Variants in IQCK observed in about 807,000 individuals in gnomAD.
IQCK encodes the protein IQ domain-containing protein K.
In IQCK, 29 loss-of-function variants were observed where a neutral mutation model predicts 28.1. The ratio of observed to expected loss-of-function variants is 1.03; its 90% CI spans 0.77 to 1.41. The LOEUF (loss-of-function observed/expected upper bound fraction) is 1.41. Among genes scored for constraint, IQCK ranks in the 40% most tolerant of loss-of-function variants. The pLI, the probability that IQCK is intolerant of heterozygous loss-of-function variation, is 0.00. For synonymous variants in IQCK, 113 were observed against 115.1 expected, an observed-to-expected ratio of 0.98 and a Z score of 0.12; for missense variants, 359 against 314.7, an observed-to-expected ratio of 1.14 and a Z score of -1.07.
At chr16:19,720,152 T>A (rs1977447600) in intron 1 of IQCK, among the ~76,000 whole-genome samples, 1 of 152,214 alleles carries the variant, frequency 6.6e-6, no homozygotes, top group South Asian at 2.1e-4. Context: ...AGTTGATAGA[T>A]GCCCTCCAAA....
intron 9 of IQCK, among the ~76,000 whole-genome samples, chr16:19,839,837 A>T (rs1422411625): frequency 6.6e-6 from 1 of 151,938 alleles, no homozygotes; most frequent in Non-Finnish European, 1.5e-5. Flanking sequence ...CTAAAAAAAT[A>T]AAAAATAAAT....
intron 1 of IQCK, among the ~76,000 whole-genome samples, chr16:19,719,415 G>T (rs1977401596): frequency 6.6e-6 from 1 of 151,576 alleles, no homozygotes; most frequent in Non-Finnish European, 1.5e-5. Flanking sequence ...GTGAAACCCC[G>T]TCTCTACTGA....
rs550552586 is a variant in IQCK, at chr16:19,852,916, G to A, written c.803-3571G>A. Among the ~76,000 whole-genome samples the A allele has an allele frequency of 4.6e-5, 7 of 152,180 alleles. No homozygotes were observed. In the South Asian group the frequency reaches 1.2e-3, roughly 27 times the overall value. On this transcript the variant is annotated intron_variant, in intron 9 of 9. Transcript: ENST00000320394. ...GGATTACAGGCGTGAGCCACCGCAC[G>A]CGGCCTCCTTCAACATTTTTGAGCT... is the stretch of plus-strand genomic sequence containing the variant.
chr16:19,742,054 C>T (rs1324743368), intron 4 of IQCK, among the ~76,000 whole-genome samples: 1 of 152,106 alleles, frequency 6.6e-6, no homozygotes, highest in Non-Finnish European at 1.5e-5. Flanking sequence ...GGCAGGCACA[C>T]GGGAGTTCAA....
chr16:19,789,925 C>CTCCTGA lies in IQCK; in HGVS notation c.690+1009_690+1014dup, dbSNP rs2055597746. On this transcript the variant is annotated intron_variant, in intron 7 of 7. Coordinates refer to ENST00000564186, the Ensembl canonical transcript of IQCK. ...ATGAAAAGATAAGCTTTTTTTAAAG[C>CTCCTGA]TCCTGATCCTGGCTGTGCAAGATGA... 1.8e-5 allele frequency among the ~76,000 whole-genome samples: 2 copies of CTCCTGA among 112,210 alleles called. 1 individual carries two copies. Among genetic ancestry groups the CTCCTGA allele is most frequent in the Non-Finnish European group, 3.1e-5 (2 of 63,924 alleles). The allele number at this position is 112,210 out of a possible 152,430, so 73.6% of individuals were successfully genotyped here.
intron 7 of IQCK, among the ~76,000 whole-genome samples, chr16:19,810,271 C>T (rs1390065007): frequency 6.6e-6 from 1 of 151,980 alleles, no homozygotes; most frequent in Non-Finnish European, 1.5e-5. Context: ...CCGAGGCGGG[C>T]GGATCACGAG....
chr16:19,777,937 C>T (rs1242961835), intron 6 of IQCK, among the ~76,000 whole-genome samples: 1 of 152,130 alleles, frequency 6.6e-6, no homozygotes, highest in Non-Finnish European at 1.5e-5. Flanking sequence ...CCTGTAGTTC[C>T]AGTTACTCCG....
At chr16:19,843,803 C>G (rs1325746234) in intron 9 of IQCK, among the ~76,000 whole-genome samples, 2 of 152,194 alleles carry the variant, frequency 1.3e-5, no homozygotes, top group African/African-American at 2.4e-5. Flanking sequence ...GGTACCAGTT[C>G]TACCAGATCA....
chr16:19,827,035 G>A, exon 8 of IQCK: 1 of 1,613,286 alleles, frequency 6.2e-7, no homozygotes, highest in Non-Finnish European at 8.5e-7. Context: ...GGTTCGCTGT[G>A]ATCCTGAGAT....
At chr16:19,779,388 C>CAACT (rs1319375733) in intron 6 of IQCK, among the ~76,000 whole-genome samples, 1 of 152,132 alleles carries the variant, frequency 6.6e-6, no homozygotes, top group African/African-American at 2.4e-5. Context: ...CAGGCCTGAG[C>CAACT]AACTGGCTGA....
chr16:19,783,189 A>C (rs976698238), intron 6 of IQCK, among the ~76,000 whole-genome samples: 2 of 151,904 alleles, frequency 1.3e-5, no homozygotes, highest in African/African-American at 4.8e-5. Flanking sequence ...AGTAGAGATG[A>C]AGTTTCACCA....
Position 19,744,842 on chromosome 16 carries a change from A to G in IQCK, c.474+9392A>G, listed in dbSNP as rs989222544. Among the ~76,000 whole-genome samples, 7 of 152,234 alleles carry G rather than the reference A, an allele frequency of 4.6e-5. No homozygotes were observed. In the East Asian group the frequency reaches 1.3e-3, roughly 29 times the overall value. ...CTCTGTGAAAGGTAAATAACGGAAA[A>G]TGATTGCTTTGTACAAATAGCTGGT... On this transcript the variant is annotated intron_variant, in intron 4 of 7. Coordinates refer to ENST00000564186, the Ensembl canonical transcript of IQCK.
intron 7 of IQCK, among the ~76,000 whole-genome samples, chr16:19,817,389 C>T (rs906245520): frequency 1.3e-5 from 2 of 152,114 alleles, no homozygotes; most frequent in Non-Finnish European, 2.9e-5. Flanking sequence ...GTGCTTTCCC[C>T]AGGGCTCACA....
chr16:19,781,674 T>C (rs971712464), intron 6 of IQCK, among the ~76,000 whole-genome samples: 1 of 152,212 alleles, frequency 6.6e-6, no homozygotes, highest in Non-Finnish European at 1.5e-5. Context: ...TTTAGAAATA[T>C]TTTAAGTTTG....
At chr16:19,767,783 C>T (rs895787917) in intron 6 of IQCK, among the ~76,000 whole-genome samples, 3 of 152,112 alleles carry the variant, frequency 2.0e-5, no homozygotes, top group East Asian at 1.9e-4. Flanking sequence ...CCCTCCTCTA[C>T]GGAGCACTTC....
intron 9 of IQCK, among the ~76,000 whole-genome samples, chr16:19,850,677 T>G (rs2056471075): frequency 6.6e-6 from 1 of 152,126 alleles, no homozygotes; most frequent in South Asian, 2.1e-4. Context: ...CTGCCTCACC[T>G]TCTATACTGT....
chr16:19,725,319 C>T (rs1977621610), intron 1 of IQCK, among the ~76,000 whole-genome samples: 1 of 152,138 alleles, frequency 6.6e-6, no homozygotes. Context: ...ACCTAAGCCT[C>T]CCAAGTAGCT....
chr16:19,739,432 A>G (rs2054802048), intron 4 of IQCK, among the ~76,000 whole-genome samples: 1 of 152,210 alleles, frequency 6.6e-6, no homozygotes, highest in African/African-American at 2.4e-5. Flanking sequence ...AAAGTCAATG[A>G]TTCAGGTACT....
rs1313318415 is a variant in IQCK, at chr16:19,832,232, G to GTA, written c.802+5105_802+5106dup. ...ATCAGATTACATTACCTATGTGTGT[G>GTA]TATATATATATGCACACACATATAT... On this transcript the variant is annotated intron_variant, in intron 9 of 9. Transcript: ENST00000320394. Among the ~76,000 whole-genome samples the GTA allele has an allele frequency of 7.3e-5, 11 of 151,302 alleles. No individual in the cohort carries two copies. In the South Asian group the frequency reaches 8.4e-4, roughly 12 times the overall value.
Sources: allele counts gnomAD v4.1 joint callset (sites outside exome capture counted in the v4.1 genomes callset), GRCh38; gene constraint gnomAD v4.1.1; transcripts MANE v1.5; gene names NCBI Gene and HGNC (gene_info 2026-07-23, HGNC 2026-07-21).